Variants in DMTN observed in about 807,000 individuals in gnomAD.
The protein encoded by DMTN is dematin actin binding protein.
In DMTN, 27 loss-of-function variants were observed where a neutral mutation model predicts 59.4. The observed-to-expected ratio is 0.45, with a 90% confidence interval of 0.33 to 0.63. The LOEUF (loss-of-function observed/expected upper bound fraction) is 0.63, where lower values mean the gene tolerates loss of function less well. Among genes scored for constraint, DMTN ranks in the 20% least tolerant of loss-of-function variants. DMTN has a pLI of 0.02. For missense variants in DMTN, 451 were observed against 528.9 expected, an observed-to-expected ratio of 0.85 and a Z score of 1.45; for synonymous variants, 221 against 203.7, an observed-to-expected ratio of 1.08 and a Z score of -0.72.
chr8:22,067,248 C>A, intron 3 of DMTN, 89 bp downstream of exon 3: 1 of 1,425,980 alleles, frequency 7.0e-7, no homozygotes, highest in Non-Finnish European at 9.6e-7. Context: ...TCCCGCAGAG[C>A]CTCCCCAGTG....
intron 10 of DMTN, among the ~76,000 whole-genome samples, chr8:22,079,309 G>C (rs1351631926): frequency 3.7e-5 from 1 of 26,842 alleles, no homozygotes; most frequent in Admixed American, 5.4e-4. Flanking sequence ...TATTAGCTGG[G>C]TTTGATGGCG....
Position 22,060,413 on chromosome 8 carries a change from G to T in DMTN, c.-172+3277G>T, listed in dbSNP as rs1018800493. The stretch of plus-strand genomic sequence containing the variant: ...CTCTCTCTTTCTCTCTTTCTGTCTC[G>T]CTCTCTCTCTCTCTCTCTCCCCCTC... On this transcript the variant is annotated intron_variant, in intron 1 of 15. Coordinates refer to ENST00000358242, the MANE Select transcript of DMTN (RefSeq NM_001387751.1). This position sits in a 1 kb window ranked among gnomAD's most constrained non-coding sequence, Gnocchi z 5.0. 5.4e-5 allele frequency among the ~76,000 whole-genome samples: 8 copies of T among 147,522 alleles called. No individual in the cohort carries two copies. The highest frequency in any genetic ancestry group is 1.3e-4 in the African/African-American group (5 of 39,534).
intron 7 of DMTN, 73 bp from the exon 8 acceptor site, chr8:22,070,108 AG>A: frequency 1.3e-6 from 2 of 1,553,604 alleles, no homozygotes; most frequent in Admixed American, 1.8e-5. Flanking sequence ...CACAGGTGTG[AG>A]GGGGGAGGGG....
Position 22,064,008 on chromosome 8 carries a change from C to T in DMTN, c.-171-2697C>T, listed in dbSNP as rs545342279. Among the ~76,000 whole-genome samples the T allele has an allele frequency of 1.0e-3, 158 of 152,134 alleles. 2 individuals carry two copies. The highest frequency in any genetic ancestry group is 3.5e-4 in the Non-Finnish European group (24 of 68,034). On this transcript the variant is annotated intron_variant, in intron 1 of 15. Transcript: ENST00000358242. The stretch of plus-strand genomic sequence containing the variant: ...GTATTTGTTGAATGGATGAATAAAA[C>T]AATACATGACTAAGTAGATGGATGT...
At chr8:22,070,429 C>A in intron 8 of DMTN, 95 bp downstream of exon 8, 1 of 1,448,494 alleles carries the variant, frequency 6.9e-7, no homozygotes, top group Admixed American at 2.7e-5. Context: ...CACTCCCACC[C>A]CTGCCCTATG....
upstream of DMTN, among the ~76,000 whole-genome samples, chr8:22,056,419 C>T (rs1217570926): frequency 6.6e-6 from 1 of 152,122 alleles, no homozygotes; most frequent in East Asian, 1.9e-4. Flanking sequence ...GTGGGGTGGT[C>T]ATGAATAGGG....
chr8:22,076,672 G>T (rs894372012), intron 10 of DMTN, among the ~76,000 whole-genome samples: 2 of 151,070 alleles, frequency 1.3e-5, no homozygotes, highest in African/African-American at 2.5e-5. Context: ...TATATACAGT[G>T]ACATATATAT....
At chr8:22,049,557 C>T (rs1585551111), upstream of DMTN, among the ~76,000 whole-genome samples, 1 of 123,132 alleles carries the variant, frequency 8.1e-6, no homozygotes, top group African/African-American at 3.4e-5. Context: ...GGAGGTCTTC[C>T]TCGCAGGGAC....
intron 1 of DMTN, among the ~76,000 whole-genome samples, chr8:22,063,361 C>G (rs888662534): frequency 6.6e-6 from 1 of 152,208 alleles, no homozygotes; most frequent in African/African-American, 2.4e-5. Flanking sequence ...AGACCTGGAT[C>G]GCCTCTGCCT....
rs900377330 is a variant in DMTN, at chr8:22,058,596, GT to G, written c.-172+1464del. On this transcript the variant is annotated intron_variant, in intron 1 of 15. Coordinates refer to ENST00000358242, the MANE Select transcript of DMTN (RefSeq NM_001387751.1). The surrounding 1 kb of genome is among the most constrained non-coding windows in gnomAD (Gnocchi z 4.3). ...AGGCAGGAGGGGGCACCTGGGCCCG[GT>G]TTTGTTGTTATTGAGAGAACAAGGG... 4.6e-5 allele frequency among the ~76,000 whole-genome samples: 7 copies of G among 152,302 alleles called. No individual in the cohort carries two copies. The Middle Eastern group carries it at 0.01, about 222-fold the overall frequency.
intron 8 of DMTN, among the ~76,000 whole-genome samples, chr8:22,071,518 G>T (rs982562618): frequency 2.7e-5 from 4 of 150,258 alleles, no homozygotes; most frequent in Admixed American, 6.6e-5. Flanking sequence ...TTTCAGCCTC[G>T]CAAGTAGCTA....
At chr8:22,077,189 T>G (rs1820523059) in intron 10 of DMTN, among the ~76,000 whole-genome samples, 2 of 150,678 alleles carry the variant, frequency 1.3e-5, no homozygotes, top group African/African-American at 2.4e-5. Flanking sequence ...ACTGAGAAGG[T>G]AGTGACAGAA....
chr8:22,076,036 C>T (rs931731728), intron 10 of DMTN, among the ~76,000 whole-genome samples: 11 of 152,066 alleles, frequency 7.2e-5, no homozygotes, highest in Non-Finnish European at 1.5e-4. Context: ...GCTGATTGGA[C>T]GTGGGAGGTG....
At chr8:22,051,949 G>A (rs1240325536), upstream of DMTN, among the ~76,000 whole-genome samples, 5 of 152,170 alleles carry the variant, frequency 3.3e-5, 1 homozygote, top group Middle Eastern at 6.8e-3. Context: ...CTCCCTATTC[G>A]GCCCTAGCCC....
At position 22,058,131 on chromosome 8, in the gene DMTN, G is replaced by A. The variant is rs556438199; in HGVS notation, c.-172+995G>A. ...GGCATGAGCTGGCACACAGGGCTTC[G>A]GAGTCTCCCCGCGTGCATGCGTCCT... On this transcript the variant is annotated intron_variant, in intron 1 of 15. Transcript: ENST00000358242. The surrounding 1 kb of genome is among the most constrained non-coding windows in gnomAD (Gnocchi z 4.3). Among the ~76,000 whole-genome samples, 4 of 152,258 alleles carry A rather than the reference G, an allele frequency of 2.6e-5. No individual in the cohort carries two copies. The highest frequency in any genetic ancestry group is 1.9e-4 in the East Asian group (1 of 5,164).
rs1314545656 is a variant in DMTN at position 22,072,462 on chromosome 8, C to T, written c.729+12C>T. 1 of 1,543,916 alleles carries T rather than the reference C, an allele frequency of 6.5e-7. No individual in the cohort carries two copies. The highest frequency in any genetic ancestry group is 1.9e-5 in the Admixed American group (1 of 51,360). On this transcript the variant is annotated intron_variant, in intron 9 of 15. Transcript: ENST00000358242. ...AGGAACTCAGTAAGGTAGCATCTCA[C>T]CACCCCCACCCTCCACCCCTGTGCA...
At chr8:22,056,503 C>T (rs1034757956), upstream of DMTN, among the ~76,000 whole-genome samples, 28 of 152,302 alleles carry the variant, frequency 1.8e-4, no homozygotes, top group Admixed American at 6.5e-4. Context: ...CTCGACCCAC[C>T]GCCCACAGCA....
At chr8:22,075,041 G>A (rs2131321063) in intron 10 of DMTN, among the ~76,000 whole-genome samples, 1 of 152,010 alleles carries the variant, frequency 6.6e-6, no homozygotes, top group Non-Finnish European at 1.5e-5. Flanking sequence ...ACAAAAATTA[G>A]CCAGGCATGG....
chr8:22,075,941 G>A (rs1002686097), intron 10 of DMTN, among the ~76,000 whole-genome samples: 4 of 152,292 alleles, frequency 2.6e-5, no homozygotes, highest in Admixed American at 2.6e-4. Flanking sequence ...GACTGGATAA[G>A]GGCTAAAAAA....
Sources: allele counts gnomAD v4.1 joint callset (sites outside exome capture counted in the v4.1 genomes callset), GRCh38; gene constraint gnomAD v4.1.1; non-coding constraint Gnocchi (gnomAD v3.1); transcripts MANE v1.5; gene names NCBI Gene and HGNC (gene_info 2026-07-23, HGNC 2026-07-21).